PTPRD: variants seen among roughly 807,000 people sequenced by gnomAD.
PTPRD encodes receptor-type tyrosine-protein phosphatase delta.
PTPRD carries 34 observed loss-of-function variants against 214.5 expected under a neutral mutation model. That is an observed-to-expected ratio of 0.16 (90% CI 0.12 to 0.21). The LOEUF is 0.21. Ranked by LOEUF, PTPRD falls within the 10% of genes least tolerant of loss-of-function variation. The probability of loss-of-function intolerance (pLI) is 1.00; values close to 1 mark genes in which losing one functional copy is unlikely to be tolerated. For synonymous variants in PTPRD, 1,128 were observed against 845.7 expected (o/e 1.33, Z -5.79); for missense variants, 2,545 against 2,398.7 (o/e 1.06, Z -1.27).
At chr9:9,187,350 G>A (rs1440306189) in intron 9 of PTPRD, among the ~76,000 whole-genome samples, 1 of 151,940 alleles carries the variant, frequency 6.6e-6, no homozygotes, top group Non-Finnish European at 1.5e-5. Flanking sequence ...TCAGATTCAA[G>A]TATAAGGATA....
rs546035306 is a variant in PTPRD at position 8,721,322 on chromosome 9, C to G, written c.64+12458G>C. On this transcript the variant is annotated intron_variant, in intron 12 of 45. Coordinates refer to ENST00000381196, the MANE Select transcript of PTPRD (RefSeq NM_002839.4). ...GCACATGCCTGTAATCCTAGCTACTCGAGAGGCTGAGGCACAAGAATCGCT... is the reference window on the plus strand; with the variant it reads ...GCACATGCCTGTAATCCTAGCTACTGGAGAGGCTGAGGCACAAGAATCGCT... 2.1e-3 allele frequency among the ~76,000 whole-genome samples: 312 copies of G among 150,606 alleles called. 2 individuals carry two copies. The highest frequency in any genetic ancestry group is 7.3e-3 in the African/African-American group (300 of 40,920).
rs1485549793 is a variant in PTPRD at position 8,528,838 on chromosome 9, G to C, written c.353-59C>G. On this transcript the variant is annotated intron_variant, in intron 14 of 45. Coordinates refer to ENST00000381196, the MANE Select transcript of PTPRD (RefSeq NM_002839.4). ...AATAAGTCAGATGCTCCAAATTCAA[G>C]AGATTCCCCAGAAATCTCTCTTTAC... 5.2e-6 allele frequency: 8 copies of C among 1,534,644 alleles called. No homozygotes were observed. The East Asian group carries it at 1.6e-4, about 30-fold the overall frequency.
At chr9:8,652,962 T>C (rs955488678) in intron 12 of PTPRD, among the ~76,000 whole-genome samples, 1 of 152,176 alleles carries the variant, frequency 6.6e-6, no homozygotes, top group Non-Finnish European at 1.5e-5. Flanking sequence ...AGTTGAGTGA[T>C]ACATGCTGCT....
At chr9:8,948,430 T>A in intron 11 of PTPRD, among the ~76,000 whole-genome samples, 1 of 19,372 alleles carries the variant, frequency 5.2e-5, no homozygotes, top group African/African-American at 1.1e-4. Context: ...TATATTTATA[T>A]ATATATTTAC....
chr9:9,008,205 T>TTTTTTTTATTTA (rs372318540), intron 11 of PTPRD, among the ~76,000 whole-genome samples: 5 of 121,188 alleles, frequency 4.1e-5, no homozygotes, highest in African/African-American at 6.1e-5. Context: ...CTCCCCTTCA[T>TTTTTTTTATTTA]TTTATTTATT....
At chr9:9,900,177 G>C (rs1450119244) in intron 5 of PTPRD, among the ~76,000 whole-genome samples, 2 of 152,130 alleles carry the variant, frequency 1.3e-5, no homozygotes, top group Admixed American at 6.6e-5. Context: ...TGCCCAGGCT[G>C]CAGAATTTTC....
intron 14 of PTPRD, among the ~76,000 whole-genome samples, chr9:8,617,654 C>G (rs1340293059): frequency 6.6e-6 from 1 of 152,064 alleles, no homozygotes; most frequent in Non-Finnish European, 1.5e-5. Context: ...TTAAGTCTTA[C>G]AGTCTTGATT....
chr9:8,716,173 C>T (rs527548059), intron 12 of PTPRD, among the ~76,000 whole-genome samples: 1 of 152,148 alleles, frequency 6.6e-6, no homozygotes, highest in Non-Finnish European at 1.5e-5. Context: ...TGGATGAAAC[C>T]AGGAGAAGAG....
intron 4 of PTPRD, among the ~76,000 whole-genome samples, chr9:9,953,206 A>T (rs377711351): frequency 6.6e-6 from 1 of 152,142 alleles, no homozygotes; most frequent in Non-Finnish European, 1.5e-5. Flanking sequence ...ATTATCCTGG[A>T]TATTTCTGCA....
chr9:8,863,186 C>T (rs1461482694), intron 11 of PTPRD, among the ~76,000 whole-genome samples: 2 of 152,156 alleles, frequency 1.3e-5, no homozygotes, highest in East Asian at 1.9e-4. Flanking sequence ...GTGTAGAGGA[C>T]GTTATGGTAC....
intron 5 of PTPRD, among the ~76,000 whole-genome samples, chr9:9,863,409 C>G (rs898536449): frequency 6.6e-6 from 1 of 152,122 alleles, no homozygotes; most frequent in East Asian, 1.9e-4. Flanking sequence ...TAAGAGTGAG[C>G]ATGTTTGGGG....
At chr9:10,488,626 C>T (rs2099148690) in intron 2 of PTPRD, among the ~76,000 whole-genome samples, 1 of 152,096 alleles carries the variant, frequency 6.6e-6, no homozygotes, top group African/African-American at 2.4e-5. Flanking sequence ...TAGAAGTCTA[C>T]TTGGTGATCT....
At chr9:9,833,452 C>A (rs549952567) in intron 5 of PTPRD, among the ~76,000 whole-genome samples, 1 of 151,684 alleles carries the variant, frequency 6.6e-6, no homozygotes, top group Non-Finnish European at 1.5e-5. Context: ...GGAGGCAGGG[C>A]GAGATCACAG....
chr9:9,172,549 C>T (rs1423626926), intron 10 of PTPRD, among the ~76,000 whole-genome samples: 1 of 152,044 alleles, frequency 6.6e-6, no homozygotes, highest in Non-Finnish European at 1.5e-5. Flanking sequence ...GAAATATTTG[C>T]ACTCTCCTAT....
chr9:8,393,439 G>C (rs1404435636), intron 36 of PTPRD, among the ~76,000 whole-genome samples: 1 of 152,054 alleles, frequency 6.6e-6, no homozygotes, highest in Non-Finnish European at 1.5e-5. Context: ...TTTCCTGTTT[G>C]TTTGTTTTTT....
intron 7 of PTPRD, among the ~76,000 whole-genome samples, chr9:9,629,891 T>C (rs994512752): frequency 5.3e-5 from 8 of 152,296 alleles, no homozygotes; most frequent in African/African-American, 9.6e-5. Context: ...TGGCTTGTTA[T>C]GTAGCAAGAG....
chr9:10,399,416 C>G (rs913469852), intron 2 of PTPRD, among the ~76,000 whole-genome samples: 4 of 151,724 alleles, frequency 2.6e-5, no homozygotes, highest in African/African-American at 7.3e-5. Context: ...TATTTTTATT[C>G]AAAAAAATCC....
intron 9 of PTPRD, among the ~76,000 whole-genome samples, chr9:9,312,281 C>T (rs1032668933): frequency 6.6e-6 from 1 of 152,114 alleles, no homozygotes; most frequent in Non-Finnish European, 1.5e-5. Flanking sequence ...GGGATTGCAA[C>T]TTGAGTCTAA....
chr9:9,187,528 G>T (rs1281271770), intron 9 of PTPRD, among the ~76,000 whole-genome samples: 1 of 151,964 alleles, frequency 6.6e-6, no homozygotes, highest in Non-Finnish European at 1.5e-5. Context: ...TTTAAGCTTT[G>T]CTTGGCAAAC....
Sources: allele counts gnomAD v4.1 joint callset (sites outside exome capture counted in the v4.1 genomes callset), GRCh38; gene constraint gnomAD v4.1.1; transcripts MANE v1.5; gene names NCBI Gene and HGNC (gene_info 2026-07-23, HGNC 2026-07-21).